The following SLC4A8 variants were observed in gnomAD, a reference collection of about 807,000 sequenced individuals.
SLC4A8 encodes solute carrier family 4 member 8.
In SLC4A8, 40 loss-of-function variants were observed where a neutral mutation model predicts 125.0. The observed-to-expected ratio is 0.32, with a 90% confidence interval of 0.25 to 0.42. SLC4A8 has a LOEUF of 0.42. SLC4A8 is among the 10% of genes least tolerant of loss of function. SLC4A8 has a pLI of 1.00. For synonymous variants in SLC4A8, 456 were observed against 476.0 expected, an observed-to-expected ratio of 0.96 and a Z score of 0.55; for missense variants, 863 against 1,355.1, an observed-to-expected ratio of 0.64 and a Z score of 5.70.
chr12:51,495,150 T>C lies in SLC4A8; in HGVS notation c.2943+32T>C, dbSNP rs1486552120. The C allele has an allele frequency of 2.6e-6, 4 of 1,544,970 alleles. No individual in the cohort carries two copies. The East Asian group carries it at 6.8e-5, about 26-fold the overall frequency. Reference sequence around the variant, plus strand: ...TGGTTTTTAAAAAATAAATTCTTATTATCATTGTTATTTTTTAGTGGTAAA... The same window carrying C: ...TGGTTTTTAAAAAATAAATTCTTATCATCATTGTTATTTTTTAGTGGTAAA... On this transcript the variant is annotated intron_variant, in intron 21 of 24. Coordinates refer to ENST00000453097, the MANE Select transcript of SLC4A8 (RefSeq NM_001039960.3).
At chr12:51,440,571 TGAA>T (rs1949562871) in intron 1 of SLC4A8, 134 bp from the exon 2 acceptor site, 1 of 634,936 alleles carries the variant, frequency 1.6e-6, no homozygotes, top group African/African-American at 1.9e-5. Flanking sequence ...AAAGGTATTG[TGAA>T]GTTCACATGT....
intron 1 of SLC4A8, among the ~76,000 whole-genome samples, chr12:51,400,787 C>CAT (rs1948372048): frequency 2.4e-4 from 5 of 20,862 alleles, no homozygotes; most frequent in African/African-American, 1.7e-3. Flanking sequence ...TACATACATA[C>CAT]ACACACACAC....
chr12:51,432,822 G>T (rs568138445), intron 1 of SLC4A8, among the ~76,000 whole-genome samples: 3 of 151,138 alleles, frequency 2.0e-5, no homozygotes, highest in South Asian at 2.1e-4. Flanking sequence ...TGACTTTTTT[G>T]GGGGGGGTCT....
At chr12:51,408,496 G>A (rs1034123877) in intron 1 of SLC4A8, among the ~76,000 whole-genome samples, 1 of 152,040 alleles carries the variant, frequency 6.6e-6, no homozygotes, top group Admixed American at 6.6e-5. Context: ...CTTGGCTTCC[G>A]AAAGTGCTGG....
chr12:51,434,217 C>T (rs534919450), intron 1 of SLC4A8, among the ~76,000 whole-genome samples: 1 of 152,190 alleles, frequency 6.6e-6, no homozygotes, highest in African/African-American at 2.4e-5. Context: ...CTCCAAATCT[C>T]AGACATATTA....
chr12:51,515,548 A>G lies in SLC4A8; in HGVS notation c.*8110A>G, dbSNP rs1174230233. ...AAGAAATGTACCCTCTCCACACTCC[A>G]TGATGTAAATAGAACCAGGAATAAA... On this transcript the variant is annotated 3_prime_UTR_variant, in exon 25 of 25. Transcript: ENST00000453097. 6.6e-6 allele frequency: 1 copy of G among 152,204 alleles called. No individual in the cohort carries two copies. Among genetic ancestry groups the G allele is most frequent in the Non-Finnish European group, 1.5e-5 (1 of 68,044 alleles). 9.4% of individuals were successfully genotyped at this position (152,204 alleles called of 1,614,324 possible).
intron 1 of SLC4A8, among the ~76,000 whole-genome samples, chr12:51,397,017 C>T (rs1478140406): frequency 6.7e-6 from 1 of 150,036 alleles, no homozygotes; most frequent in Admixed American, 6.7e-5. Flanking sequence ...GCAACCTCCA[C>T]CTTCCAGGTT....
In SLC4A8 at chr12:51,489,697, C is replaced by T. The variant is rs1227736264; in HGVS notation, c.2449-3C>T. 1 of 1,614,114 alleles carries T rather than the reference C, an allele frequency of 6.2e-7. No homozygotes were observed. Among genetic ancestry groups the T allele is most frequent in the South Asian group, 1.1e-5 (1 of 91,070 alleles). The stretch of plus-strand genomic sequence containing the variant: ...TGGTGACAAAGACTCTGTTTCCCCA[C>T]AGAAAGGCTGTGGCTACCACCTGGA... On this transcript the variant is annotated splice_polypyrimidine_tract_variant and splice_region_variant and intron_variant, in intron 18 of 24. Coordinates refer to ENST00000453097, the MANE Select transcript of SLC4A8 (RefSeq NM_001039960.3).
At chr12:51,496,565 A>G (rs907199239) in intron 21 of SLC4A8, among the ~76,000 whole-genome samples, 1 of 152,244 alleles carries the variant, frequency 6.6e-6, no homozygotes, top group Admixed American at 6.5e-5. Flanking sequence ...TGTATAGGCA[A>G]AGGATCAGAG....
At chr12:51,476,382 G>A (rs1950856288) in intron 16 of SLC4A8, among the ~76,000 whole-genome samples, 1 of 152,074 alleles carries the variant, frequency 6.6e-6, no homozygotes, top group South Asian at 2.1e-4. Context: ...TCGGGAGGCT[G>A]AGGCATGAGA....
At chr12:51,421,855 T>C (rs995512355), upstream of SLC4A8, 2 of 152,258 alleles carry the variant, frequency 1.3e-5, no homozygotes, top group African/African-American at 4.8e-5. Flanking sequence ...CTCAGGTGAA[T>C]CTTTCCCCAC....
rs1448795628 is a variant in SLC4A8 at position 51,509,228 on chromosome 12, A to T, written c.*1790A>T. On this transcript the variant is annotated 3_prime_UTR_variant, in exon 25 of 25. Coordinates refer to ENST00000453097, the MANE Select transcript of SLC4A8 (RefSeq NM_001039960.3). ...GTTCCTGGTTTGTCTCATTTCTATC[A>T]CAAGGCTGTTTTGGGCACAGCCTTA... is the stretch of plus-strand genomic sequence containing the variant. 6.6e-6 allele frequency: 1 copy of T among 152,646 alleles called. No homozygotes were observed. Among genetic ancestry groups the T allele is most frequent in the Non-Finnish European group, 1.5e-5 (1 of 68,040 alleles). 9.5% of individuals were successfully genotyped at this position (152,646 alleles called of 1,614,324 possible).
intron 1 of SLC4A8, among the ~76,000 whole-genome samples, chr12:51,416,515 C>T (rs1283993685): frequency 2.6e-5 from 4 of 151,884 alleles, no homozygotes; most frequent in Non-Finnish European, 5.9e-5. Flanking sequence ...TGGTGGCGTA[C>T]GCTTGTAATT....
intron 14 of SLC4A8, among the ~76,000 whole-genome samples, chr12:51,472,504 T>C (rs895902722): frequency 6.6e-6 from 1 of 152,240 alleles, no homozygotes; most frequent in African/African-American, 2.4e-5. Context: ...GCCTAGTGAA[T>C]TGGCTCCTAT....
intron 6 of SLC4A8, among the ~76,000 whole-genome samples, chr12:51,458,234 T>TG (rs1306392429): frequency 5.1e-4 from 78 of 152,220 alleles, no homozygotes; most frequent in African/African-American, 1.9e-3. Context: ...GGGATATGCC[T>TG]GGGAATCTAT....
rs1335822320 is a variant in SLC4A8, at chr12:51,452,176, G to A, written c.330G>A (p.Glu110=). 19 of 1,613,952 alleles carry A rather than the reference G, an allele frequency of 1.2e-5. No individual in the cohort carries two copies. The highest frequency in any genetic ancestry group is 1.6e-5 in the Non-Finnish European group (19 of 1,179,792). The change falls in exon 4 of 25, where the codon GAG becomes GAA. Residue 110 remains glutamate, a synonymous_variant. Coordinates refer to ENST00000453097, the MANE Select transcript of SLC4A8 (RefSeq NM_001039960.3). ...TTCTTGGCACCGAGGAAGATGAAGA[G>A]CATGTGCCTCATGAGCTGTTTACAG... is the stretch of plus-strand genomic sequence containing the variant. ...QFILGTEEDE[E]HVPHELFTEL... is the part of the protein sequence containing the mutation.
At chr12:51,474,587 ACTTT>A in intron 15 of SLC4A8, 140 bp downstream of exon 15, 1 of 1,403,226 alleles carries the variant, frequency 7.1e-7, no homozygotes. Context: ...ATTCTTACTC[ACTTT>A]CTTTTATCCT....
At chr12:51,480,423 A>G (rs1950996777) in intron 16 of SLC4A8, 11 of 1,115,622 alleles carry the variant, frequency 9.9e-6, no homozygotes, top group South Asian at 5.8e-5. Context: ...TGAAAAGTGG[A>G]ATAATACGTG....
intron 11 of SLC4A8, chr12:51,466,416 A>G (rs1950516134): frequency 6.6e-6 from 1 of 152,190 alleles, no homozygotes; most frequent in African/African-American, 2.4e-5. Context: ...TTTCTTCCAA[A>G]GTATACCAGA....
Sources: gnomAD v4.1 joint callset for allele counts (sites outside exome capture counted in the v4.1 genomes callset) on GRCh38, gnomAD v4.1.1 for gene constraint, MANE v1.5 for transcripts, NCBI Gene and HGNC (gene_info 2026-07-23, HGNC 2026-07-21) for gene names.